GRK7: variants seen among roughly 807,000 people sequenced by gnomAD.
GRK7 encodes rhodopsin kinase GRK7.
Under a neutral mutation model 34.1 loss-of-function variants are expected in GRK7, and 24 were observed. That is an observed-to-expected ratio of 0.70 (90% CI 0.51 to 0.99). The LOEUF (loss-of-function observed/expected upper bound fraction) is 0.99. GRK7 is among the 50% of genes least tolerant of loss of function. The pLI is 0.00. For missense variants in GRK7, 644 were observed against 707.3 expected (o/e 0.91, Z 1.02); for synonymous variants, 256 against 279.4 (o/e 0.92, Z 0.84).
At position 141,816,828 on chromosome 3, in the gene GRK7, C is replaced by A. The variant is rs758510350; in HGVS notation, c.1440C>A (p.Ala480=). 1 of 1,613,806 alleles carries A rather than the reference C, an allele frequency of 6.2e-7. No homozygotes were observed. The highest frequency in any genetic ancestry group is 8.5e-7 in the Non-Finnish European group (1 of 1,179,800). The change falls in exon 6 of 6, where the codon GCC becomes GCA. Residue 480 remains alanine (A), a synonymous_variant. Transcript: ENST00000682958. ...TGCCAGACCCTTCAGTGGTTTATGC[C>A]AAAGACATCGCTGAAATTGATGATT... ...PFVPDPSVVY[A]KDIAEIDDFS...
chr3:141,802,092 G>A (rs1382085895), intron 4 of GRK7, among the ~76,000 whole-genome samples: 7 of 152,138 alleles, frequency 4.6e-5, no homozygotes, highest in Admixed American at 3.3e-4. Context: ...TGAGAGGCTG[G>A]TTGTGGTGGC....
intron 4 of GRK7, among the ~76,000 whole-genome samples, chr3:141,781,452 G>T (rs892056143): frequency 6.6e-6 from 1 of 151,162 alleles, no homozygotes; most frequent in African/African-American, 2.4e-5. Context: ...CAGGAGAATC[G>T]CTTGAACCCA....
At position 141,795,151 on chromosome 3, in the gene GRK7, G is replaced by A. The variant is rs577786878; in HGVS notation, c.1051-12494G>A. Reference sequence around the variant, plus strand: ...CAAGCTAAGACTTAAAAGACATGAAGCCAGACAGGTAAAGAGGAAGGAGCA... The same window carrying A: ...CAAGCTAAGACTTAAAAGACATGAAACCAGACAGGTAAAGAGGAAGGAGCA... On this transcript the variant is annotated intron_variant, in intron 4 of 5. Transcript: ENST00000682958. Among the ~76,000 whole-genome samples the A allele has an allele frequency of 3.3e-5, 5 of 152,266 alleles. No individual in the cohort carries two copies. The South Asian group carries it at 1.0e-3, about 32-fold the overall frequency.
At chr3:141,775,795 T>C (rs1272033661) in intron 2 of GRK7, among the ~76,000 whole-genome samples, 1 of 152,194 alleles carries the variant, frequency 6.6e-6, no homozygotes, top group African/African-American at 2.4e-5. Flanking sequence ...TCGCCTGTTT[T>C]TTTTTTATCA....
chr3:141,816,471 T>C (rs1381689244), intron 5 of GRK7, among the ~76,000 whole-genome samples: 4 of 152,188 alleles, frequency 2.6e-5, no homozygotes, highest in Non-Finnish European at 5.9e-5. Flanking sequence ...AGCTTCACTG[T>C]TTAAAAATTG....
At chr3:141,751,520 G>A in the GRK7 span, among the ~76,000 whole-genome samples, 2 of 152,178 alleles carry the variant, frequency 1.3e-5, no homozygotes, top group Non-Finnish European at 2.9e-5. Flanking sequence ...TACACCATAT[G>A]TGACTACAAG....
intron 1 of GRK7, among the ~76,000 whole-genome samples, chr3:141,772,793 T>C (rs944737378): frequency 3.9e-5 from 6 of 152,206 alleles, no homozygotes; most frequent in South Asian, 2.1e-4. Context: ...TCTACTATCA[T>C]AAAAGTTATG....
At chr3:141,804,845 A>C (rs1194590171) in intron 4 of GRK7, among the ~76,000 whole-genome samples, 1 of 151,848 alleles carries the variant, frequency 6.6e-6, no homozygotes, top group African/African-American at 2.4e-5. Flanking sequence ...ACATGCACAC[A>C]TACACATACA....
chr3:141,808,964 T>C (rs898781924), intron 5 of GRK7, among the ~76,000 whole-genome samples: 9 of 151,290 alleles, frequency 5.9e-5, no homozygotes, highest in East Asian at 2.0e-4. Context: ...CTTTGGGAGG[T>C]TGAGGTGGCA....
At chr3:141,752,600 T>G in the GRK7 span, among the ~76,000 whole-genome samples, 1 of 152,250 alleles carries the variant, frequency 6.6e-6, no homozygotes. Flanking sequence ...ATCAAACTTG[T>G]ATAGCCCTTA....
At chr3:141,793,296 G>A (rs2107885648) in intron 4 of GRK7, among the ~76,000 whole-genome samples, 1 of 152,302 alleles carries the variant, frequency 6.6e-6, no homozygotes, top group East Asian at 1.9e-4. Context: ...GGCAGCCTTG[G>A]GGACTGAGCC....
At chr3:141,788,217 T>A (rs2084705944) in intron 4 of GRK7, among the ~76,000 whole-genome samples, 1 of 152,168 alleles carries the variant, frequency 6.6e-6, no homozygotes, top group Admixed American at 6.5e-5. Context: ...ACTTTGGATG[T>A]TGTTCTACAG....
chr3:141,812,020 G>A (rs1711097379), intron 5 of GRK7, among the ~76,000 whole-genome samples: 1 of 152,208 alleles, frequency 6.6e-6, no homozygotes, highest in Non-Finnish European at 1.5e-5. Context: ...AGGCAGTGCA[G>A]CAGAACAACA....
chr3:141,781,838 G>A (rs1172528107), intron 4 of GRK7, among the ~76,000 whole-genome samples: 1 of 152,206 alleles, frequency 6.6e-6, no homozygotes, highest in Non-Finnish European at 1.5e-5. Flanking sequence ...GAAAATCTCT[G>A]GAATTCTAAC....
intron 4 of GRK7, among the ~76,000 whole-genome samples, chr3:141,796,294 A>G (rs6806847): frequency 0.79 from 120,757 of 152,174 alleles, 48,748 homozygotes; most frequent in African/African-American, 0.95. Flanking sequence ...ATGATCTTAC[A>G]CAAGTCAGAC....
intron 4 of GRK7, among the ~76,000 whole-genome samples, chr3:141,793,813 T>C (rs895000757): frequency 6.6e-6 from 1 of 152,236 alleles, no homozygotes; most frequent in African/African-American, 2.4e-5. Context: ...AATAAAAATA[T>C]AGGGCCTCTT....
At position 141,811,713 on chromosome 3, in the gene GRK7, G is replaced by A. The variant is rs867263225; in HGVS notation, c.1325+3794G>A. ...TCAAACGAGATCACGTTGGATTAATGTAGTGGGCATCCTCCAAGCCAAGGC... is the reference window on the plus strand; with the variant it reads ...TCAAACGAGATCACGTTGGATTAATATAGTGGGCATCCTCCAAGCCAAGGC... On this transcript the variant is annotated intron_variant, in intron 5 of 5. Coordinates refer to ENST00000682958, the MANE Select transcript of GRK7 (RefSeq NM_139209.3). 3.9e-5 allele frequency among the ~76,000 whole-genome samples: 6 copies of A among 152,196 alleles called. No homozygotes were observed. The South Asian group carries it at 8.3e-4, about 21-fold the overall frequency.
At chr3:141,791,286 A>T (rs902311192) in intron 4 of GRK7, among the ~76,000 whole-genome samples, 6 of 152,204 alleles carry the variant, frequency 3.9e-5, no homozygotes, top group African/African-American at 1.4e-4. Context: ...GGTGATTTTT[A>T]AAAGACCTCT....
At chr3:141,815,235 G>T (rs9682877) in intron 5 of GRK7, among the ~76,000 whole-genome samples, 1,247 of 17,886 alleles carry the variant, frequency 0.07, 18 homozygotes, top group African/African-American at 0.16. Flanking sequence ...GGTTTTTTTT[G>T]TTTGTTTGTT....
Sources: allele counts gnomAD v4.1 joint callset (sites outside exome capture counted in the v4.1 genomes callset), GRCh38; gene constraint gnomAD v4.1.1; transcripts MANE v1.5; gene names NCBI Gene and HGNC (gene_info 2026-07-23, HGNC 2026-07-21).